PRKCH: variants seen among roughly 807,000 people sequenced by gnomAD.
PRKCH encodes protein kinase C eta type.
In PRKCH, 28 loss-of-function variants were observed where a neutral mutation model predicts 82.5. The ratio of observed to expected loss-of-function variants is 0.34; its 90% CI spans 0.25 to 0.47. The LOEUF is 0.47. PRKCH is among the 20% of genes least tolerant of loss of function. The pLI is 1.00. For missense variants in PRKCH, 705 were observed against 881.8 expected (o/e 0.80, Z 2.54); for synonymous variants, 322 against 327.4 (o/e 0.98, Z 0.18).
intron 1 of PRKCH, chr14:61,281,399 A>T (rs967677647): frequency 3.0e-6 from 1 of 329,310 alleles, no homozygotes; most frequent in Non-Finnish European, 5.8e-6. Flanking sequence ...GGTCACCGGG[A>T]GCCGCACCTC....
intron 1 of PRKCH, among the ~76,000 whole-genome samples, chr14:61,377,241 T>G (rs1166455356): frequency 6.6e-6 from 1 of 152,260 alleles, no homozygotes; most frequent in Non-Finnish European, 1.5e-5. Flanking sequence ...TCTCTGGTTC[T>G]TTCTTTCACT....
At chr14:61,505,073 G>T (rs1377231137) in intron 10 of PRKCH, among the ~76,000 whole-genome samples, 2 of 152,118 alleles carry the variant, frequency 1.3e-5, no homozygotes, top group Non-Finnish European at 2.9e-5. Context: ...GCTTTTATTT[G>T]TGGTTTTATT....
At chr14:61,204,514 G>T (rs2044507004) in intron 1 of PRKCH, among the ~76,000 whole-genome samples, 1 of 152,104 alleles carries the variant, frequency 6.6e-6, no homozygotes. Flanking sequence ...CAGAACTTTG[G>T]GAGGCCAAGG....
chr14:61,451,242 T>A (rs1030068557), intron 6 of PRKCH, among the ~76,000 whole-genome samples: 1 of 152,160 alleles, frequency 6.6e-6, no homozygotes, highest in Non-Finnish European at 1.5e-5. Context: ...CTAGACACTG[T>A]ATTTTAATAG....
At chr14:61,268,141 C>T (rs1217858897) in intron 1 of PRKCH, among the ~76,000 whole-genome samples, 1 of 152,118 alleles carries the variant, frequency 6.6e-6, no homozygotes, top group Admixed American at 6.6e-5. Flanking sequence ...GACAGTACTG[C>T]ACAATGACAG....
chr14:61,485,744 G>A, intron 10 of PRKCH, 88 bp downstream of exon 10: 1 of 1,445,260 alleles, frequency 6.9e-7, no homozygotes, highest in South Asian at 1.3e-5. Flanking sequence ...ATGATAATCA[G>A]TTGAAACCTT....
intron 10 of PRKCH, among the ~76,000 whole-genome samples, chr14:61,511,478 G>A (rs1376115818): frequency 6.6e-6 from 1 of 152,178 alleles, no homozygotes; most frequent in Non-Finnish European, 1.5e-5. Flanking sequence ...CCTCTCGGAT[G>A]GCTCAAGTCC....
intron 1 of PRKCH, among the ~76,000 whole-genome samples, chr14:61,259,637 C>A (rs1019667929): frequency 2.6e-5 from 4 of 152,222 alleles, no homozygotes; most frequent in Non-Finnish European, 5.9e-5. Context: ...ACACATTATA[C>A]TGTGAGAAAC....
chr14:61,471,671 T>TA (rs558982417), intron 9 of PRKCH, among the ~76,000 whole-genome samples: 3,708 of 150,160 alleles, frequency 0.025, 102 homozygotes, highest in African/African-American at 0.072. Flanking sequence ...CCTTTACAAT[T>TA]AAAAAAAAAA....
chr14:61,482,629 A>G (rs530035877), intron 9 of PRKCH, among the ~76,000 whole-genome samples: 1 of 151,888 alleles, frequency 6.6e-6, no homozygotes, highest in Non-Finnish European at 1.5e-5. Context: ...TGTGAATTAC[A>G]CTCTGTGTTC....
At position 61,280,012 on chromosome 14, in the gene PRKCH, G is replaced by C; in HGVS notation, c.-19+92344G>C. 7.9e-7 allele frequency: 1 copy of C among 1,263,740 alleles called. No homozygotes were observed. The highest frequency in any genetic ancestry group is 1.1e-6 in the Non-Finnish European group (1 of 922,764). The allele number at this position is 1,263,740 out of a possible 1,614,324, so 78.3% of individuals were successfully genotyped here. A position where few individuals can be genotyped will look rare whatever the true frequency, so the allele number is the denominator to read the frequency against. On this transcript the variant is annotated intron_variant, in intron 1 of 3. Coordinates refer to the PRKCH transcript ENST00000555185. The surrounding 1 kb of genome is among the most constrained non-coding windows in gnomAD (Gnocchi z 5.0). Reference sequence around the variant, plus strand: ...AAAAGCTAGGCGAGGTTGGAATTGGGTGACGGGCGAGGAGGAGATGCCAAA... The same window carrying C: ...AAAAGCTAGGCGAGGTTGGAATTGGCTGACGGGCGAGGAGGAGATGCCAAA...
intron 1 of PRKCH, among the ~76,000 whole-genome samples, chr14:61,216,233 A>T (rs1171170813): frequency 6.6e-6 from 1 of 152,144 alleles, no homozygotes; most frequent in East Asian, 1.9e-4. Flanking sequence ...TGGGAGGCCG[A>T]GGAGGGCGGA....
chr14:61,396,095 A>G (rs1046047377), intron 2 of PRKCH, among the ~76,000 whole-genome samples: 8 of 150,996 alleles, frequency 5.3e-5, no homozygotes, highest in Non-Finnish European at 1.0e-4. Context: ...AAAAAAAAAA[A>G]AAAGAAAAGA....
chr14:61,321,503 CACCGCAGGGCCGGGCCGCGG>C (rs1419971524), upstream of PRKCH, among the ~76,000 whole-genome samples: 3 of 152,172 alleles, frequency 2.0e-5, no homozygotes, highest in South Asian at 2.1e-4. The surrounding 1 kb of genome is among the most constrained non-coding windows in gnomAD (Gnocchi z 4.1). Flanking sequence ...GGGATCCACC[CACCGCAGGGCCGGGCCGCGG>C]ACCGCGGGCC....
rs561196056 is a variant in PRKCH at position 61,511,673 on chromosome 14, C to G, written c.1434-17402C>G. On this transcript the variant is annotated intron_variant, in intron 10 of 13. Transcript: ENST00000332981. ...TAAATGCTTCTTGTGGAAGAGAAGG[C>G]TTGTGCCCTGCCTTGGCACATGATC... is the stretch of plus-strand genomic sequence containing the variant. Among the ~76,000 whole-genome samples, 22 of 152,356 alleles carry G rather than the reference C, an allele frequency of 1.4e-4. No homozygotes were observed. The South Asian group carries it at 2.5e-3, about 17-fold the overall frequency.
At chr14:61,522,586 C>G (rs1392064252) in intron 10 of PRKCH, among the ~76,000 whole-genome samples, 1 of 152,222 alleles carries the variant, frequency 6.6e-6, no homozygotes, top group Non-Finnish European at 1.5e-5. Flanking sequence ...TAATAATCTT[C>G]ACAGCTCAGT....
At chr14:61,352,388 C>A (rs1394038363) in intron 1 of PRKCH, among the ~76,000 whole-genome samples, 6 of 152,074 alleles carry the variant, frequency 3.9e-5, no homozygotes, top group Non-Finnish European at 2.9e-5. Flanking sequence ...ATAGGCCGGG[C>A]GTGGTGGCTC....
chr14:61,369,500 C>T (rs1239976985), intron 1 of PRKCH, among the ~76,000 whole-genome samples: 1 of 152,086 alleles, frequency 6.6e-6, no homozygotes, highest in Non-Finnish European at 1.5e-5. Context: ...AAATTTGTAG[C>T]TCAACTTTAA....
At chr14:61,485,850 T>C (rs949245559) in intron 10 of PRKCH, among the ~76,000 whole-genome samples, 194 bp downstream of exon 10, 2 of 152,124 alleles carry the variant, frequency 1.3e-5, no homozygotes, top group African/African-American at 4.8e-5. Context: ...GGCGCAATCA[T>C]GGCTCACTGC....
Sources: allele counts gnomAD v4.1 joint callset (sites outside exome capture counted in the v4.1 genomes callset), GRCh38; gene constraint gnomAD v4.1.1; non-coding constraint Gnocchi (gnomAD v3.1); transcripts MANE v1.5; gene names NCBI Gene and HGNC (gene_info 2026-07-23, HGNC 2026-07-21).